The following COG5 variants were observed in gnomAD, a reference collection of about 807,000 sequenced individuals.
COG5 encodes the protein component of oligomeric golgi complex 5.
A neutral mutation model predicts 110.4 loss-of-function variants in COG5; 86 were observed. The ratio of observed to expected loss-of-function variants is 0.78; its 90% CI spans 0.65 to 0.93. COG5 has a LOEUF of 0.93. COG5 is among the 40% of genes least tolerant of loss of function. The pLI is 0.00. For synonymous variants in COG5, 360 were observed against 334.6 expected (o/e 1.08, Z -0.83); for missense variants, 1,077 against 987.0 (o/e 1.09, Z -1.22).
At chr7:107,522,397 G>A (rs547261017) in intron 6 of COG5, among the ~76,000 whole-genome samples, 167 of 152,280 alleles carry the variant, frequency 1.1e-3, no homozygotes, top group Non-Finnish European at 2.0e-3. Flanking sequence ...GAACCCAGGA[G>A]GCGGAGGTTG....
chr7:107,214,213 T>C (rs1044386341), intron 19 of COG5, among the ~76,000 whole-genome samples: 4 of 151,744 alleles, frequency 2.6e-5, no homozygotes, highest in Non-Finnish European at 5.9e-5. Flanking sequence ...TAATAAACTG[T>C]CAAAAATAAA....
At chr7:107,310,774 C>A (rs569116848) in intron 11 of COG5, among the ~76,000 whole-genome samples, 1 of 152,138 alleles carries the variant, frequency 6.6e-6, no homozygotes, top group African/African-American at 2.4e-5. Context: ...GGGCATGCAC[C>A]CAGTACACAC....
chr7:107,533,890 GA>G (rs1801388742), intron 5 of COG5, among the ~76,000 whole-genome samples: 2 of 151,554 alleles, frequency 1.3e-5, no homozygotes, highest in South Asian at 4.2e-4. Context: ...TGAAATGAAA[GA>G]AAAAATGTTA....
intron 19 of COG5, among the ~76,000 whole-genome samples, chr7:107,214,697 G>A (rs995917774): frequency 1.2e-4 from 19 of 152,184 alleles, no homozygotes; most frequent in African/African-American, 2.9e-4. Flanking sequence ...TGAGGTGGGC[G>A]GATCACTTTG....
chr7:107,414,240 C>T (rs368517000), intron 6 of COG5, among the ~76,000 whole-genome samples: 2 of 152,140 alleles, frequency 1.3e-5, no homozygotes, highest in Non-Finnish European at 2.9e-5. Context: ...TTACTCACAT[C>T]TTGACAATTA....
chr7:107,258,623 T>G, intron 14 of COG5: 1 of 553,834 alleles, frequency 1.8e-6, no homozygotes, highest in Non-Finnish European at 3.2e-6. Flanking sequence ...GCACAATTGG[T>G]CTTGCACGGG....
chr7:107,287,095 T>C (rs1000063549), intron 12 of COG5, among the ~76,000 whole-genome samples: 1 of 152,292 alleles, frequency 6.6e-6, no homozygotes, highest in Non-Finnish European at 1.5e-5. Flanking sequence ...CTGGAGTTTA[T>C]TGGGGGAAGA....
intron 11 of COG5, among the ~76,000 whole-genome samples, chr7:107,312,683 T>C (rs1808380501): frequency 6.6e-6 from 1 of 152,136 alleles, no homozygotes; most frequent in South Asian, 2.1e-4. Flanking sequence ...AGAAAATTAA[T>C]GAGTGCTGAG....
At chr7:107,384,595 G>A (rs1045241686) in intron 7 of COG5, among the ~76,000 whole-genome samples, 5 of 152,100 alleles carry the variant, frequency 3.3e-5, no homozygotes, top group East Asian at 1.9e-4. Context: ...GCCATGGGAC[G>A]AACAAGGACC....
intron 10 of COG5, among the ~76,000 whole-genome samples, chr7:107,356,125 A>T: frequency 6.6e-6 from 1 of 152,234 alleles, no homozygotes; most frequent in East Asian, 1.9e-4. Flanking sequence ...AATTATAAAA[A>T]TTATTTAACA....
chr7:107,288,907 GATATATATATATATATATAT>G (rs60313728), intron 12 of COG5, among the ~76,000 whole-genome samples: 9,208 of 93,814 alleles, frequency 0.098, 504 homozygotes, highest in East Asian at 0.13. Flanking sequence ...TTCTAACAGA[GATATATATATATATATATAT>G]ATATATATAT....
At chr7:107,274,499 T>C (rs17428504) in intron 14 of COG5, among the ~76,000 whole-genome samples, 21,359 of 152,088 alleles carry the variant, frequency 0.14, 1,763 homozygotes, top group Non-Finnish European at 0.19. Flanking sequence ...TTCTCTCCTG[T>C]GCCCCGTCTT....
intron 19 of COG5, among the ~76,000 whole-genome samples, chr7:107,218,100 G>T (rs1006196309): frequency 4.7e-4 from 72 of 151,870 alleles, no homozygotes; most frequent in Non-Finnish European, 1.6e-4. Flanking sequence ...ATAGCTACAA[G>T]AATGTAAAAT....
intron 7 of COG5, among the ~76,000 whole-genome samples, chr7:107,375,014 T>A (rs931570857): frequency 6.6e-6 from 1 of 152,048 alleles, no homozygotes; most frequent in African/African-American, 2.4e-5. Context: ...CACCTTTGAA[T>A]CTTGTGTAGC....
intron 18 of COG5, among the ~76,000 whole-genome samples, chr7:107,233,456 C>T (rs1217206190): frequency 2.0e-5 from 3 of 152,170 alleles, no homozygotes; most frequent in Non-Finnish European, 4.4e-5. Flanking sequence ...CCAGATGGCA[C>T]CCTGCAACTA....
rs573306512 is a variant in COG5, at chr7:107,430,298, T to C, written c.539-17666A>G. Reference sequence around the variant, plus strand: ...GAGGAAGTGATATATATTCATTCTTTTGCATGTAGACACTGGTTGTCCCAG... The same window carrying C: ...GAGGAAGTGATATATATTCATTCTTCTGCATGTAGACACTGGTTGTCCCAG... On this transcript the variant is annotated intron_variant, in intron 6 of 21. Transcript: ENST00000297135. Among the ~76,000 whole-genome samples the C allele has an allele frequency of 3.3e-4, 51 of 152,370 alleles. No individual in the cohort carries two copies. The South Asian group carries it at 4.1e-3, about 12-fold the overall frequency.
chr7:107,245,443 A>G (rs1801980126), intron 17 of COG5, among the ~76,000 whole-genome samples: 1 of 152,204 alleles, frequency 6.6e-6, no homozygotes, highest in South Asian at 2.1e-4. Flanking sequence ...TGCAGATGAC[A>G]TGATTCTATA....
intron 10 of COG5, among the ~76,000 whole-genome samples, chr7:107,357,662 T>C (rs554866342): frequency 1.3e-5 from 2 of 152,216 alleles, no homozygotes; most frequent in South Asian, 4.2e-4. Context: ...TCTTTCTCTC[T>C]TTCTCTCCTT....
chr7:107,304,178 A>C (rs749200816), intron 11 of COG5, among the ~76,000 whole-genome samples: 23 of 152,108 alleles, frequency 1.5e-4, no homozygotes, highest in South Asian at 2.1e-4. Flanking sequence ...AAGAACCCCC[A>C]CAGTTTCCAA....
Sources: gnomAD v4.1 joint callset for allele counts (sites outside exome capture counted in the v4.1 genomes callset) on GRCh38, gnomAD v4.1.1 for gene constraint, MANE v1.5 for transcripts, NCBI Gene and HGNC (gene_info 2026-07-23, HGNC 2026-07-21) for gene names.